PHF14: variants seen among roughly 807,000 people sequenced by gnomAD.
The protein encoded by PHF14 is PHD finger protein 14.
In PHF14, 55 loss-of-function variants were observed where a neutral mutation model predicts 117.9. That is an observed-to-expected ratio of 0.47 (90% CI 0.38 to 0.58). PHF14 has a LOEUF of 0.58. PHF14 is among the 20% of genes least tolerant of loss of function. PHF14 has a pLI of 0.00. For synonymous variants in PHF14, 409 were observed against 368.6 expected (o/e 1.11, Z -1.26); for missense variants, 978 against 1,122.2 (o/e 0.87, Z 1.84).
intron 3 of PHF14, among the ~76,000 whole-genome samples, chr7:10,990,301 T>C (rs1280282813): frequency 1.3e-5 from 2 of 152,218 alleles, no homozygotes; most frequent in Non-Finnish European, 2.9e-5. Flanking sequence ...GTAAGAATCA[T>C]GTCTTGTGCT....
chr7:11,142,613 A>C (rs1788432168), intron 17 of PHF14, among the ~76,000 whole-genome samples: 1 of 152,100 alleles, frequency 6.6e-6, no homozygotes, highest in East Asian at 1.9e-4. Flanking sequence ...TTTATTAAAA[A>C]TGCTTGTGAC....
intron 7 of PHF14, among the ~76,000 whole-genome samples, chr7:11,034,006 C>T (rs1453402969): frequency 1.3e-5 from 2 of 152,144 alleles, no homozygotes; most frequent in Non-Finnish European, 2.9e-5. Flanking sequence ...TTTGAAGTCC[C>T]ATAGCCTGTA....
chr7:11,120,729 A>G (rs536110059), intron 17 of PHF14, among the ~76,000 whole-genome samples: 1 of 152,182 alleles, frequency 6.6e-6, no homozygotes, highest in African/African-American at 2.4e-5. Context: ...ATATAGGATT[A>G]TGGTCCTATG....
intron 17 of PHF14, among the ~76,000 whole-genome samples, chr7:11,155,381 A>G (rs1247911683): frequency 3.9e-5 from 6 of 152,210 alleles, no homozygotes; most frequent in Non-Finnish European, 7.3e-5. Context: ...GAAGTAACCA[A>G]CCATGAGCAC....
intron 17 of PHF14, among the ~76,000 whole-genome samples, chr7:11,151,725 C>T (rs1195642891): frequency 1.3e-5 from 2 of 152,048 alleles, no homozygotes; most frequent in Non-Finnish European, 2.9e-5. Flanking sequence ...GGCCCTAGCT[C>T]TGTAGAGGCT....
chr7:10,992,334 A>G (rs1443270707), intron 4 of PHF14, among the ~76,000 whole-genome samples: 6 of 148,416 alleles, frequency 4.0e-5, no homozygotes, highest in African/African-American at 9.9e-5. Flanking sequence ...GATTACAGGC[A>G]TGAGCCACCG....
rs3073111 is a variant in PHF14 at position 11,075,564 on chromosome 7, G to GTTTTTTTTTTTTTTTTTTT, written c.2654+13487_2654+13505dup. ...ACTCATTCCCATGGGAAGGAAAGAGGTTTTTTTTTTTTTTTTTTTTTTTTT... is the reference window on the plus strand; with the variant it reads ...ACTCATTCCCATGGGAAGGAAAGAGGTTTTTTTTTTTTTTTTTTTTTTTTTTTTTTTTTTTTTTTTTTTT... On this transcript the variant is annotated intron_variant, in intron 16 of 17. Transcript: ENST00000634607. Among the ~76,000 whole-genome samples the GTTTTTTTTTTTTTTTTTTT allele has an allele frequency of 1.8e-5, 2 of 110,012 alleles. 1 individual carries two copies. Among genetic ancestry groups the GTTTTTTTTTTTTTTTTTTT allele is most frequent in the Non-Finnish European group, 3.7e-5 (2 of 54,454 alleles). The allele number at this position is 110,012 out of a possible 152,430, so 72.2% of individuals were successfully genotyped here.
chr7:10,982,355 TCTCA>T lies in PHF14; in HGVS notation c.113-16_113-13del. 1 of 1,510,302 alleles carries T rather than the reference TCTCA, an allele frequency of 6.6e-7. No individual in the cohort carries two copies. Among genetic ancestry groups the T allele is most frequent in the Middle Eastern group, 2.0e-4 (1 of 5,044 alleles). 93.6% of individuals were successfully genotyped at this position (1,510,302 alleles called of 1,614,324 possible). ...ATATACATATGTGTGGTTTTTTTTT[TCTCA>T]TATTTTCAACAGATTCTGAAGGGAG... On this transcript the variant is annotated splice_polypyrimidine_tract_variant and intron_variant, in intron 2 of 17. Coordinates refer to ENST00000634607, the MANE Select transcript of PHF14 (RefSeq NM_001007157.2).
chr7:11,098,880 C>T (rs1284513391), intron 16 of PHF14, among the ~76,000 whole-genome samples: 1 of 152,132 alleles, frequency 6.6e-6, no homozygotes, highest in Non-Finnish European at 1.5e-5. Context: ...AAGCAGTGAT[C>T]AGTGACTTAA....
rs575340710 is a variant in PHF14 at position 11,084,026 on chromosome 7, A to G, written c.2654+21941A>G. Among the ~76,000 whole-genome samples, 149 of 152,326 alleles carry G rather than the reference A, an allele frequency of 9.8e-4. 1 individual carries two copies. The highest frequency in any genetic ancestry group is 1.9e-3 in the Non-Finnish European group (127 of 68,018). On this transcript the variant is annotated intron_variant, in intron 16 of 17. Coordinates refer to ENST00000634607, the MANE Select transcript of PHF14 (RefSeq NM_001007157.2). ...TTTGTGGTTGTTTTTATTGGAGTATAACATTACATAAGGATATGAGAAGAT... is the reference window on the plus strand; with the variant it reads ...TTTGTGGTTGTTTTTATTGGAGTATGACATTACATAAGGATATGAGAAGAT...
intron 4 of PHF14, 145 bp from the exon 5 acceptor site, chr7:11,013,602 A>C (rs538471563): frequency 4.1e-6 from 2 of 490,244 alleles, no homozygotes; most frequent in Non-Finnish European, 7.3e-6. Context: ...AAATGAGTTT[A>C]TTTCTGTATT....
rs1270797220 is a variant in PHF14, at chr7:11,042,737, C to A, written c.2235C>A (p.Thr745=). 1.3e-6 allele frequency: 2 copies of A among 1,592,490 alleles called. No individual in the cohort carries two copies. The highest frequency in any genetic ancestry group is 3.4e-5 in the Admixed American group (2 of 58,088). Residue 745 remains threonine (T), a synonymous_variant, in exon 13 of 18, where the codon ACC becomes ACA. Transcript: ENST00000634607. ...AGCATCTTCTTTTATTGTGTGATAC[C>A]TGTAAACTACATTACCATCTTGGAT... ...HDQHLLLLCD[T]CKLHYHLGCL... is the part of the protein sequence containing the mutation.
chr7:11,101,428 G>C (rs1184359488), intron 16 of PHF14, among the ~76,000 whole-genome samples: 1 of 151,826 alleles, frequency 6.6e-6, no homozygotes, highest in Admixed American at 6.6e-5. Flanking sequence ...ATCAGATTCA[G>C]AATGTGCTCA....
At chr7:11,153,376 G>A (rs1006618134) in intron 17 of PHF14, among the ~76,000 whole-genome samples, 8 of 152,106 alleles carry the variant, frequency 5.3e-5, no homozygotes, top group African/African-American at 7.2e-5. Context: ...GACCAAGTGA[G>A]GTATAAGTCT....
At chr7:11,135,468 C>T (rs191581682) in intron 17 of PHF14, among the ~76,000 whole-genome samples, 1 of 151,990 alleles carries the variant, frequency 6.6e-6, no homozygotes, top group Non-Finnish European at 1.5e-5. Context: ...TTTTTCATTT[C>T]TTTATTTGAA....
At chr7:10,979,553 CTTTTTTTTT>C (rs202055293) in intron 2 of PHF14, among the ~76,000 whole-genome samples, 1 of 131,804 alleles carries the variant, frequency 7.6e-6, no homozygotes, top group African/African-American at 2.8e-5. Flanking sequence ...CTTTCTCTCT[CTTTTTTTTT>C]TTTTTTTGGA....
At chr7:11,154,848 C>T (rs1788795726) in intron 17 of PHF14, among the ~76,000 whole-genome samples, 1 of 152,054 alleles carries the variant, frequency 6.6e-6, no homozygotes, top group African/African-American at 2.4e-5. Flanking sequence ...TTTATTCTTG[C>T]TGTCTATGAA....
At chr7:11,155,701 A>G (rs962227368) in intron 17 of PHF14, among the ~76,000 whole-genome samples, 6 of 152,116 alleles carry the variant, frequency 3.9e-5, no homozygotes, top group Admixed American at 3.9e-4. Flanking sequence ...TTGAGTGATC[A>G]ATTGTTTTAG....
chr7:11,041,300 G>T (rs555968171), intron 12 of PHF14, among the ~76,000 whole-genome samples: 89 of 151,468 alleles, frequency 5.9e-4, no homozygotes, highest in African/African-American at 2.1e-3. Flanking sequence ...CAATATTTTC[G>T]GTGTTCACCA....
Sources: gnomAD v4.1 joint callset for allele counts (sites outside exome capture counted in the v4.1 genomes callset) on GRCh38, gnomAD v4.1.1 for gene constraint, MANE v1.5 for transcripts, NCBI Gene and HGNC (gene_info 2026-07-23, HGNC 2026-07-21) for gene names.